Variants in CTNNA2 observed in about 807,000 individuals in gnomAD.
CTNNA2 encodes catenin alpha 2, also known as catenin alpha-2.
A neutral mutation model predicts 101.0 loss-of-function variants in CTNNA2; 42 were observed. The ratio of observed to expected loss-of-function variants is 0.42; its 90% CI spans 0.32 to 0.54. CTNNA2 has a LOEUF of 0.54. CTNNA2 is among the 20% of genes least tolerant of loss of function. The pLI is 0.14. For missense variants in CTNNA2, 871 were observed against 1,223.1 expected, an observed-to-expected ratio of 0.71 and a Z score of 4.29; for synonymous variants, 450 against 456.4, an observed-to-expected ratio of 0.99 and a Z score of 0.18.
At chr2:80,462,353 G>A (rs373611738) in intron 9 of CTNNA2, among the ~76,000 whole-genome samples, 2 of 152,080 alleles carry the variant, frequency 1.3e-5, no homozygotes, top group Non-Finnish European at 2.9e-5. Flanking sequence ...TGCTTTATAC[G>A]GGAAGACTTG....
At chr2:79,839,607 C>A (rs1474254971) in intron 3 of CTNNA2, among the ~76,000 whole-genome samples, 1 of 151,882 alleles carries the variant, frequency 6.6e-6, no homozygotes, top group Non-Finnish European at 1.5e-5. Flanking sequence ...TTTCCTATTT[C>A]TTCAACTATT....
At chr2:79,927,076 T>A (rs1180594580) in intron 7 of CTNNA2, among the ~76,000 whole-genome samples, 1 of 152,102 alleles carries the variant, frequency 6.6e-6, no homozygotes, top group Admixed American at 6.6e-5. Flanking sequence ...GTTATAGGAA[T>A]GTGTATGGTA....
At chr2:80,620,414 TA>T (rs1262878608) in intron 18 of CTNNA2, among the ~76,000 whole-genome samples, 1 of 151,888 alleles carries the variant, frequency 6.6e-6, no homozygotes, top group Admixed American at 6.6e-5. Flanking sequence ...CTTTTATATT[TA>T]AAAGCACTAC....
At chr2:79,600,351 T>A (rs1677471093) in intron 1 of CTNNA2, among the ~76,000 whole-genome samples, 1 of 152,042 alleles carries the variant, frequency 6.6e-6, no homozygotes, top group Non-Finnish European at 1.5e-5. Flanking sequence ...AATTTTTTTT[T>A]ATTTTTAGTA....
intron 7 of CTNNA2, chr2:80,163,225 T>A (rs1704446858): frequency 1.1e-6 from 1 of 876,298 alleles, no homozygotes; most frequent in Non-Finnish European, 1.8e-6. Context: ...AGCTTATTAT[T>A]ATAGTAGATT....
chr2:79,487,032 G>C (rs192696744), intron 4 of CTNNA2, among the ~76,000 whole-genome samples: 14 of 152,222 alleles, frequency 9.2e-5, no homozygotes, highest in Non-Finnish European at 1.9e-4. Context: ...ATCTAGATAA[G>C]AGGAAAACAT....
chr2:79,269,221 A>G (rs1159587060), intron 2 of CTNNA2, among the ~76,000 whole-genome samples: 1 of 152,156 alleles, frequency 6.6e-6, no homozygotes, highest in Non-Finnish European at 1.5e-5. Context: ...AAAAATATGC[A>G]GTGATCCCAC....
intron 2 of CTNNA2, among the ~76,000 whole-genome samples, chr2:79,257,058 G>A (rs1674855632): frequency 6.6e-6 from 1 of 152,188 alleles, no homozygotes. Context: ...GATAAGCGGA[G>A]ATGACACAAG....
Position 79,229,592 on chromosome 2 carries a change from A to G in CTNNA2, c.-406+31516A>G, listed in dbSNP as rs1674464290. Among the ~76,000 whole-genome samples the G allele has an allele frequency of 5.3e-5, 8 of 152,198 alleles. No individual in the cohort carries two copies. The South Asian group carries it at 1.7e-3, about 32-fold the overall frequency. ...TGTATCAGCAGTGTGAAAATGAACT[A>G]ATACAGTAAATTGGTTCCAGTAGAG... On this transcript the variant is annotated intron_variant, in intron 2 of 21. Coordinates refer to the CTNNA2 transcript ENST00000466387.
chr2:79,588,878 G>A (rs1676665863), intron 1 of CTNNA2, among the ~76,000 whole-genome samples: 1 of 152,152 alleles, frequency 6.6e-6, no homozygotes, highest in Non-Finnish European at 1.5e-5. Flanking sequence ...GTAGTCAAAT[G>A]GAGGTAAGAC....
chr2:80,274,253 T>C (rs765632249), intron 7 of CTNNA2, among the ~76,000 whole-genome samples: 11 of 152,124 alleles, frequency 7.2e-5, no homozygotes, highest in Non-Finnish European at 1.3e-4. Flanking sequence ...TGAAGACGTA[T>C]TGGGGATGCT....
At chr2:79,279,287 G>A (rs181976731) in intron 2 of CTNNA2, among the ~76,000 whole-genome samples, 6 of 152,180 alleles carry the variant, frequency 3.9e-5, no homozygotes, top group Non-Finnish European at 7.4e-5. Flanking sequence ...ACAAAGTTCA[G>A]AAGGCAGGAG....
chr2:80,622,083 T>G lies in CTNNA2; in HGVS notation c.2574+2855T>G, dbSNP rs566960514. On this transcript the variant is annotated intron_variant, in intron 18 of 18. Coordinates refer to ENST00000402739, the MANE Select transcript of CTNNA2 (RefSeq NM_001282597.3). ...GACATGACATGTGTCAAAATCAAAATGTATTGCTTACAGTTCAACCTCATA... is the reference window on the plus strand; with the variant it reads ...GACATGACATGTGTCAAAATCAAAAGGTATTGCTTACAGTTCAACCTCATA... Among the ~76,000 whole-genome samples the G allele has an allele frequency of 8.9e-4, 135 of 151,956 alleles. 1 individual carries two copies. Among genetic ancestry groups the G allele is most frequent in the Non-Finnish European group, 1.6e-3 (107 of 67,940 alleles).
At chr2:79,650,024 T>C (rs931753754) in intron 1 of CTNNA2, among the ~76,000 whole-genome samples, 1 of 152,234 alleles carries the variant, frequency 6.6e-6, no homozygotes, top group Non-Finnish European at 1.5e-5. Context: ...AGAACAGCCA[T>C]GGACATTTTG....
chr2:80,574,470 T>C (rs1168207643), intron 13 of CTNNA2, among the ~76,000 whole-genome samples, 156 bp downstream of exon 13: 4 of 152,212 alleles, frequency 2.6e-5, no homozygotes, highest in Admixed American at 6.5e-5. Flanking sequence ...TTTATACTTA[T>C]GAAGGGATGA....
At chr2:80,633,888 A>G (rs1672562236) in intron 18 of CTNNA2, among the ~76,000 whole-genome samples, 1 of 152,192 alleles carries the variant, frequency 6.6e-6, no homozygotes, top group Non-Finnish European at 1.5e-5. Context: ...CTTACATGCA[A>G]GGTACAGTAA....
intron 2 of CTNNA2, among the ~76,000 whole-genome samples, chr2:79,271,992 T>A (rs752575914): frequency 1.3e-5 from 2 of 151,992 alleles, no homozygotes; most frequent in Non-Finnish European, 2.9e-5. Flanking sequence ...TTTCATGAGG[T>A]CCTTAGTGTG....
At position 79,861,518 on chromosome 2, in the gene CTNNA2, AG is replaced by A. The variant is rs1681625119; in HGVS notation, c.465+3341del. 2.0e-5 allele frequency among the ~76,000 whole-genome samples: 3 copies of A among 152,166 alleles called. No individual in the cohort carries two copies. In the South Asian group the frequency reaches 6.2e-4, roughly 32 times the overall value. ...GAGGTCGTGTGGTTTGGCAGTGTGC[AG>A]GTCTTTGCATTTTGCTACTTGATAA... On this transcript the variant is annotated intron_variant, in intron 4 of 18. Coordinates refer to ENST00000402739, the MANE Select transcript of CTNNA2 (RefSeq NM_001282597.3).
chr2:80,152,539 AT>A (rs920504600), intron 7 of CTNNA2, among the ~76,000 whole-genome samples: 39 of 152,010 alleles, frequency 2.6e-4, no homozygotes, highest in Admixed American at 1.8e-3. Context: ...CATTCAGAAC[AT>A]TTTTTTTATT....
Sources: allele counts gnomAD v4.1 joint callset (sites outside exome capture counted in the v4.1 genomes callset), GRCh38; gene constraint gnomAD v4.1.1; transcripts MANE v1.5; gene names NCBI Gene and HGNC (gene_info 2026-07-23, HGNC 2026-07-21).